The following MBD1 variants were observed in gnomAD, a reference collection of about 807,000 sequenced individuals.
MBD1 encodes the protein methyl-CpG-binding domain protein 1.
A neutral mutation model predicts 82.6 loss-of-function variants in MBD1; 25 were observed. The observed-to-expected ratio is 0.30, with a 90% CI of 0.22 to 0.42. MBD1 has a LOEUF of 0.42. Among genes scored for constraint, MBD1 ranks in the 10% least tolerant of loss-of-function variants. The pLI is 1.00. For synonymous variants in MBD1, 301 were observed against 303.7 expected (o/e 0.99, Z 0.09); for missense variants, 627 against 819.6 (o/e 0.76, Z 2.87).
rs768842664 is a variant in MBD1, at chr18:50,274,971, A to G, written c.978+6T>C. The G allele has an allele frequency of 3.7e-6, 6 of 1,608,682 alleles. No individual in the cohort carries two copies. In the Admixed American group the frequency reaches 5.0e-5, roughly 14 times the overall value. ...AGGCTTATCCAGGTAGGGTGGGGCC[A>G]CTCACTAGCTCGTCCTCGTCTACAC... On this transcript the variant is annotated splice_donor_region_variant and intron_variant, in intron 10 of 16. Coordinates refer to ENST00000269468, the MANE Select transcript of MBD1 (RefSeq NM_015846.4).
At chr18:50,268,824 A>C (rs898254491), downstream of MBD1, 2 of 819,774 alleles carry the variant, frequency 2.4e-6, no homozygotes, top group Admixed American at 6.2e-5. Flanking sequence ...ACCACTCCCA[A>C]AAGAAACACT....
chr18:50,278,241 G>T (rs931576475), intron 2 of MBD1, among the ~76,000 whole-genome samples: 2 of 152,296 alleles, frequency 1.3e-5, no homozygotes, highest in African/African-American at 4.8e-5. Context: ...CAAAACTAAT[G>T]AATTGTTTAT....
chr18:50,267,360 T>A (rs546027047), downstream of MBD1: 238 of 510,688 alleles, frequency 4.7e-4, 2 homozygotes, highest in Middle Eastern at 0.013. Context: ...AATAATTTTT[T>A]AAAACCTGTT....
chr18:50,275,415 A>T (rs1471355173), intron 8 of MBD1, 170 bp from the exon 9 acceptor site: 2 of 1,605,502 alleles, frequency 1.2e-6, no homozygotes, highest in African/African-American at 2.7e-5. Context: ...GACATCTCTG[A>T]TGACGGCGAC....
Position 50,275,005 on chromosome 18 carries a change from A to T in MBD1, c.950T>A (p.Ile317Asn). Reference protein sequence around the residue: ...ALAPSPPAEFIYYCVDEDELQ... With the variant: ...ALAPSPPAEFNYYCVDEDELQ... ...CTCGTCCTCGTCTACACAGTAATAGATGAACTCGGCAGGTGGCGAGGGGGC... is the reference window on the plus strand; with the variant it reads ...CTCGTCCTCGTCTACACAGTAATAGTTGAACTCGGCAGGTGGCGAGGGGGC... The change falls in exon 10 of 17, where the codon ATC becomes AAC. Residue 317 changes from isoleucine to asparagine, a missense_variant. This residue lies in a region of MBD1 where 228 missense variants were observed against 318.1 expected (regional missense o/e 0.72). Transcript: ENST00000269468. 2 of 1,614,204 alleles carry T rather than the reference A, an allele frequency of 1.2e-6. No individual in the cohort carries two copies. The highest frequency in any genetic ancestry group is 8.5e-7 in the Non-Finnish European group (1 of 1,180,038).
At chr18:50,270,559 G>C (rs992381829) in intron 16 of MBD1, 3 of 342,040 alleles carry the variant, frequency 8.8e-6, no homozygotes, top group African/African-American at 4.3e-5. Context: ...TACAAAGACT[G>C]CTCTGGCTGA....
At chr18:50,277,654 A>G (rs148585966) in intron 2 of MBD1, among the ~76,000 whole-genome samples, 2 of 152,252 alleles carry the variant, frequency 1.3e-5, no homozygotes, top group African/African-American at 4.8e-5. Flanking sequence ...TAAGTAATTG[A>G]TTTTGGGACC....
Position 50,276,853 on chromosome 18 carries a change from G to T in MBD1, c.371C>A (p.Pro124Gln). ...TCACCCAGGAGCAGGGAATGAAGCTGGGGCTGTGTCAGTGTCAGCCTTGGT... is the reference window on the plus strand; with the variant it reads ...TCACCCAGGAGCAGGGAATGAAGCTTGGGCTGTGTCAGTGTCAGCCTTGGT... ...DETKADTDTA[P>Q]ASFPAPGCCE... Residue 124 changes from proline (P) to glutamine (Q), a missense_variant, in exon 4 of 17, where the codon CCA becomes CAA. Physicochemically the swap from Pro to Gln is moderately conservative, Grantham distance 76 (BLOSUM62 -1). Coordinates refer to ENST00000269468, the MANE Select transcript of MBD1 (RefSeq NM_015846.4). 1 of 1,614,234 alleles carries T rather than the reference G, an allele frequency of 6.2e-7. No individual in the cohort carries two copies. The highest frequency in any genetic ancestry group is 8.5e-7 in the Non-Finnish European group (1 of 1,180,040).
chr18:50,275,025 G>A lies in MBD1; in HGVS notation c.930C>T (p.Pro310=), dbSNP rs1175351161. The change falls in exon 10 of 17, where the codon CCC becomes CCT. Residue 310 remains proline, a synonymous_variant. Coordinates refer to ENST00000269468, the MANE Select transcript of MBD1 (RefSeq NM_015846.4). Reference sequence around the variant, plus strand: ...AATAGATGAACTCGGCAGGTGGCGAGGGGGCCAGGGCTCTGGGGTGCTGTA... The same window carrying A: ...AATAGATGAACTCGGCAGGTGGCGAAGGGGCCAGGGCTCTGGGGTGCTGTA... ...PTEPHPRALA[P]SPPAEFIYYC... The A allele has an allele frequency of 6.2e-7, 1 of 1,614,200 alleles. No individual in the cohort carries two copies. Among genetic ancestry groups the A allele is most frequent in the Non-Finnish European group, 8.5e-7 (1 of 1,180,024 alleles).
chr18:50,280,355 G>C (rs2039727188), intron 1 of MBD1, among the ~76,000 whole-genome samples: 1 of 151,222 alleles, frequency 6.6e-6, no homozygotes, highest in African/African-American at 2.4e-5. Flanking sequence ...ATTCCTCCCT[G>C]TCACTGACCT....
chr18:50,274,361 G>T lies in MBD1; in HGVS notation c.979-8C>A, dbSNP rs199625541. 115 of 1,609,826 alleles carry T rather than the reference G, an allele frequency of 7.1e-5. No homozygotes were observed. The highest frequency in any genetic ancestry group is 3.4e-5 in the Non-Finnish European group (40 of 1,178,862). ...GCGGTTCGTGTAGGGCTGCTGGGGT[G>T]GGGGGAATGGGTGGTGCTGTCAACT... is the stretch of plus-strand genomic sequence containing the variant. On this transcript the variant is annotated splice_region_variant and splice_polypyrimidine_tract_variant and intron_variant, in intron 10 of 16. Coordinates refer to ENST00000269468, the MANE Select transcript of MBD1 (RefSeq NM_015846.4).
At chr18:50,273,982 T>G (rs899049497) in intron 11 of MBD1, 119 bp from the exon 12 acceptor site, 1 of 1,400,530 alleles carries the variant, frequency 7.1e-7, no homozygotes, top group African/African-American at 1.4e-5. Flanking sequence ...TGCTTACATA[T>G]GAGCCCTTCA....
In MBD1 at chr18:50,276,254, T is replaced by C. The variant is rs2037840066; in HGVS notation, c.516+124A>G. 3.9e-6 allele frequency: 4 copies of C among 1,035,570 alleles called. No homozygotes were observed. In the South Asian group the frequency reaches 4.1e-5, roughly 11 times the overall value. The allele number at this position is 1,035,570 out of a possible 1,614,324, so 64.1% of individuals were successfully genotyped here. ...TCCCATTATTGTGTCTGCTGACCTA[T>C]GGAGAGCACCCTATAAAATGACTCT... On this transcript the variant is annotated intron_variant, in intron 6 of 16. Transcript: ENST00000269468.
rs767516740 is a variant in MBD1 at position 50,272,837 on chromosome 18, G to A, written c.1703C>T (p.Ala568Val). The change falls in exon 14 of 17, where the codon GCT becomes GTT. Residue 568 changes from alanine to valine, a missense_variant. By Grantham distance (64) the Ala-to-Val change is moderately conservative. Transcript: ENST00000269468. ...KLAPEEEAGG[A>V]GTPVITEIFS... ...CCCAGCACTGACCACGGGTGTGCCA[G>A]CCCCTCCTGCCTCTTCCTCTGGGGC... is the stretch of plus-strand genomic sequence containing the variant. The A allele has an allele frequency of 6.2e-7, 1 of 1,614,264 alleles. No homozygotes were observed. Among genetic ancestry groups the A allele is most frequent in the Non-Finnish European group, 8.5e-7 (1 of 1,180,038 alleles).
chr18:50,273,895 T>C, intron 11 of MBD1, 32 bp from the exon 12 acceptor site: 1 of 1,607,592 alleles, frequency 6.2e-7, no homozygotes, highest in Non-Finnish European at 8.5e-7. Context: ...TATGGCTACC[T>C]GGTGTCCTGA....
chr18:50,279,967 G>T lies in MBD1; in HGVS notation c.26C>A (p.Pro9Gln). 3.1e-6 allele frequency: 5 copies of T among 1,610,884 alleles called. No individual in the cohort carries two copies. Among genetic ancestry groups the T allele is most frequent in the Non-Finnish European group, 3.4e-6 (4 of 1,179,854 alleles). ...GCGCTTCCAGCCAGGGCCCAGGGCCGGGCAGTCCAGCCAGTCCTCAGCCAT... is the reference window on the plus strand; with the variant it reads ...GCGCTTCCAGCCAGGGCCCAGGGCCTGGCAGTCCAGCCAGTCCTCAGCCAT... MAEDWLDCPALGPGWKRRE... is the reference protein window; with the variant it reads MAEDWLDCQALGPGWKRRE... The change falls in exon 2 of 17, where the codon CCG (proline) becomes CAG (glutamine). Residue 9 changes from proline to glutamine, a missense_variant. Pro to Gln is a moderately conservative substitution (Grantham distance 76). Coordinates refer to ENST00000269468, the MANE Select transcript of MBD1 (RefSeq NM_015846.4).
At chr18:50,271,587 T>C in intron 15 of MBD1, 47 bp from the exon 16 acceptor site, 5 of 1,608,394 alleles carry the variant, frequency 3.1e-6, no homozygotes, top group South Asian at 2.2e-5. Flanking sequence ...GTTTGCTATG[T>C]GCGCAATGGA....
At chr18:50,278,694 A>C (rs902616170) in intron 2 of MBD1, among the ~76,000 whole-genome samples, 9 of 152,190 alleles carry the variant, frequency 5.9e-5, no homozygotes, top group Admixed American at 2.0e-4. Flanking sequence ...ATCTATGTTG[A>C]CTCTCATTAG....
Position 50,280,668 on chromosome 18 carries a change from C to A in MBD1, c.-25-651G>T, listed in dbSNP as rs139391649. Among the ~76,000 whole-genome samples, 473 of 152,074 alleles carry A rather than the reference C, an allele frequency of 3.1e-3. 3 individuals carry two copies. Among genetic ancestry groups the A allele is most frequent in the African/African-American group, 0.01 (429 of 41,470 alleles). ...TCTTTTCCATTCCTCACACTGGAAGCCTCCCATGCCTCCCCTTCCTCAGCC... is the reference window on the plus strand; with the variant it reads ...TCTTTTCCATTCCTCACACTGGAAGACTCCCATGCCTCCCCTTCCTCAGCC... On this transcript the variant is annotated intron_variant, in intron 1 of 16. Coordinates refer to ENST00000269468, the MANE Select transcript of MBD1 (RefSeq NM_015846.4).
Sources: gnomAD v4.1 joint callset for allele counts (sites outside exome capture counted in the v4.1 genomes callset) on GRCh38, gnomAD v4.1.1 for gene constraint, gnomAD v4.1.1 regional missense constraint, MANE v1.5 for transcripts, NCBI Gene and HGNC (gene_info 2026-07-23, HGNC 2026-07-21) for gene names.